Variants in FBN1 observed in about 807,000 individuals in gnomAD.
FBN1 encodes fibrillin 1.
Under a neutral mutation model 365.1 loss-of-function variants are expected in FBN1, and 29 were observed. The ratio of observed to expected loss-of-function variants is 0.08; its 90% CI spans 0.06 to 0.11. The LOEUF (loss-of-function observed/expected upper bound fraction) is 0.11, where lower values mean the gene tolerates loss of function less well. Among genes scored for constraint, FBN1 ranks in the 10% least tolerant of loss-of-function variants. The pLI, the probability that FBN1 is intolerant of heterozygous loss-of-function variation, is 1.00. For synonymous variants in FBN1, 1,210 were observed against 1,270.5 expected (o/e 0.95, Z 1.01); for missense variants, 2,476 against 3,703.2 (o/e 0.67, Z 8.60).
chr15:48,584,232 C>A (rs566785327), intron 6 of FBN1, among the ~76,000 whole-genome samples: 3 of 151,912 alleles, frequency 2.0e-5, no homozygotes, highest in Admixed American at 6.6e-5. Flanking sequence ...CTATAATTAC[C>A]CTCATTGTAT....
At chr15:48,441,641 A>G in intron 50 of FBN1, 80 bp downstream of exon 50, 1 of 1,544,564 alleles carries the variant, frequency 6.5e-7, no homozygotes, top group Non-Finnish European at 8.9e-7. Context: ...AAAGAAACAG[A>G]GCTTTGCCAT....
intron 2 of FBN1, among the ~76,000 whole-genome samples, chr15:48,623,064 C>A (rs1889798955): frequency 6.6e-6 from 1 of 152,168 alleles, no homozygotes; most frequent in South Asian, 2.1e-4. Flanking sequence ...CCCCTTTACT[C>A]CCAGAGTAAT....
At chr15:48,475,960 G>A (rs754184701) in intron 32 of FBN1, among the ~76,000 whole-genome samples, 4 of 152,238 alleles carry the variant, frequency 2.6e-5, no homozygotes, top group Non-Finnish European at 4.4e-5. Flanking sequence ...ATGACACATT[G>A]TATAGGTGGA....
intron 32 of FBN1, among the ~76,000 whole-genome samples, chr15:48,478,811 T>C (rs777811125): frequency 6.6e-6 from 1 of 152,106 alleles, no homozygotes; most frequent in Non-Finnish European, 1.5e-5. Context: ...AGTCAGTGGG[T>C]GGATTCTGAA....
At chr15:48,419,174 T>G (rs1004164969) in intron 63 of FBN1, among the ~76,000 whole-genome samples, 10 of 152,138 alleles carry the variant, frequency 6.6e-5, no homozygotes, top group South Asian at 4.1e-4. Flanking sequence ...TTTGGAGACA[T>G]TAAGAACCCC....
At chr15:48,509,953 G>T in intron 14 of FBN1, 91 bp downstream of exon 14, 1 of 1,332,000 alleles carries the variant, frequency 7.5e-7, no homozygotes, top group Non-Finnish European at 1.1e-6. Context: ...TTGATACTTT[G>T]ACATTTCACT....
At chr15:48,464,424 G>T (rs956410056) in intron 40 of FBN1, among the ~76,000 whole-genome samples, 1 of 152,132 alleles carries the variant, frequency 6.6e-6, no homozygotes, top group Non-Finnish European at 1.5e-5. Context: ...GCTGAGGCAG[G>T]AGAATTGCTT....
intron 47 of FBN1, among the ~76,000 whole-genome samples, chr15:48,445,986 G>A (rs965501594): frequency 6.6e-6 from 1 of 151,944 alleles, no homozygotes; most frequent in African/African-American, 2.4e-5. Context: ...ATTTAAGAGA[G>A]GCTACATGAA....
chr15:48,620,705 T>G (rs1424067877), intron 2 of FBN1, among the ~76,000 whole-genome samples: 1 of 152,216 alleles, frequency 6.6e-6, no homozygotes, highest in African/African-American at 2.4e-5. Flanking sequence ...TACTCAACAT[T>G]CCATTACTGC....
chr15:48,455,865 A>G (rs1056237456), intron 44 of FBN1, among the ~76,000 whole-genome samples: 3 of 152,180 alleles, frequency 2.0e-5, no homozygotes, highest in African/African-American at 7.2e-5. Flanking sequence ...AAATGTTGAC[A>G]TATGTGCTAT....
intron 44 of FBN1, 51 bp from the exon 45 acceptor site, chr15:48,452,735 G>T: frequency 6.2e-7 from 1 of 1,605,766 alleles, no homozygotes; most frequent in South Asian, 1.1e-5. Context: ...CTGGTGTCCA[G>T]TCAACAAAGC....
chr15:48,600,015 C>T (rs1162461096), intron 5 of FBN1, 124 bp downstream of exon 5: 2 of 754,592 alleles, frequency 2.7e-6, no homozygotes, highest in African/African-American at 3.4e-5. Flanking sequence ...GTAAAGGTCA[C>T]TGGACACTTG....
In FBN1 at chr15:48,596,356, G is replaced by T. The variant is rs1287033860; in HGVS notation, c.465C>A (p.Leu155=). The T allele has an allele frequency of 1.9e-6, 3 of 1,613,912 alleles. No individual in the cohort carries two copies. The highest frequency in any genetic ancestry group is 2.7e-5 in the African/African-American group (2 of 74,914). Residue 155 remains leucine, a synonymous_variant, in exon 6 of 66, where the codon CTC becomes CTA. Coordinates refer to ENST00000316623, the MANE Select transcript of FBN1 (RefSeq NM_000138.5). The stretch of plus-strand genomic sequence containing the variant: ...TTGGGGCCACACACCTTCCTCCATT[G>T]AGACAGCCACTTTCACAAACAGCTG... The part of the protein sequence containing the change: ...CGQPVCESGC[L]NGGRCVAPNR...
intron 2 of FBN1, among the ~76,000 whole-genome samples, chr15:48,623,993 A>ACG (rs1343194567): frequency 7.3e-5 from 11 of 151,466 alleles, no homozygotes; most frequent in Non-Finnish European, 1.3e-4. Context: ...ACACACACAC[A>ACG]CACGCACAGC....
At chr15:48,438,618 A>C (rs980153973) in intron 50 of FBN1, among the ~76,000 whole-genome samples, 1 of 152,094 alleles carries the variant, frequency 6.6e-6, no homozygotes, top group Non-Finnish European at 1.5e-5. Flanking sequence ...TGTTTAGCTC[A>C]ACACAGAGAG....
At position 48,495,195 on chromosome 15, in the gene FBN1, C is replaced by T; in HGVS notation, c.2605G>A (p.Ala869Thr). The T allele has an allele frequency of 6.2e-7, 1 of 1,614,146 alleles. No individual in the cohort carries two copies. The highest frequency in any genetic ancestry group is 8.5e-7 in the Non-Finnish European group (1 of 1,180,022). ...GAGCAGCACTGGGACTTTAAGGTGG[C>T]TCCATTGATGTTGATCTCACATCGC... ...DGRCEINING[A>T]TLKSQCCSSL... Residue 869 changes from alanine to threonine, a missense_variant, in exon 22 of 66, where the codon GCC becomes ACC. Physicochemically the swap from Ala to Thr is moderately conservative, Grantham distance 58. This residue lies in a region of FBN1 where 1,780 missense variants were observed against 2,840.8 expected (regional missense o/e 0.63). Transcript: ENST00000316623.
intron 64 of FBN1, among the ~76,000 whole-genome samples, chr15:48,414,274 G>A (rs1373682733): frequency 3.2e-4 from 49 of 152,158 alleles, no homozygotes; most frequent in Non-Finnish European, 1.5e-5. Flanking sequence ...GGCATTCTGT[G>A]TGCTTCCCAC....
Position 48,495,210 on chromosome 15 carries a change from T to C in FBN1, c.2590A>G (p.Ile864Val), listed in dbSNP as rs763895619. ...WQTVIDGRCE[I>V]NINGATLKSQ... ...TTTAAGGTGGCTCCATTGATGTTGA[T>C]CTCACATCGCCCATCAATGACAGTC... Residue 864 changes from isoleucine (I) to valine (V), a missense_variant, in exon 22 of 66, where the codon ATC becomes GTC. Physicochemically the swap from Ile to Val is conservative, Grantham distance 29 (BLOSUM62 3). Transcript: ENST00000316623. The C allele has an allele frequency of 1.9e-5, 31 of 1,614,050 alleles. No homozygotes were observed. Among genetic ancestry groups the C allele is most frequent in the Non-Finnish European group, 2.5e-5 (29 of 1,180,032 alleles).
intron 18 of FBN1, among the ~76,000 whole-genome samples, chr15:48,498,718 T>C (rs1448050863): frequency 2.0e-5 from 3 of 152,202 alleles, no homozygotes; most frequent in Admixed American, 6.5e-5. Flanking sequence ...TTACACATCA[T>C]CTGCGAGCAC....
Sources: allele counts gnomAD v4.1 joint callset (sites outside exome capture counted in the v4.1 genomes callset), GRCh38; gene constraint gnomAD v4.1.1; regional missense constraint gnomAD v4.1.1; transcripts MANE v1.5; gene names NCBI Gene and HGNC (gene_info 2026-07-23, HGNC 2026-07-21).